TMEM11: variants seen among roughly 807,000 people sequenced by gnomAD.
TMEM11 encodes transmembrane protein 11, also known as transmembrane protein 11, mitochondrial.
A neutral mutation model predicts 17.0 loss-of-function variants in TMEM11; 1 was observed. The ratio of observed to expected loss-of-function variants is 0.06; its 90% CI spans 0.02 to 0.28. The LOEUF (loss-of-function observed/expected upper bound fraction) is 0.28, where lower values mean the gene tolerates loss of function less well. Ranked by LOEUF, TMEM11 falls within the 10% of genes least tolerant of loss-of-function variation. The probability of loss-of-function intolerance (pLI) is 1.00; values close to 1 mark genes in which losing one functional copy is unlikely to be tolerated. For synonymous variants in TMEM11, 122 were observed against 118.1 expected (o/e 1.03, Z -0.21); for missense variants, 172 against 252.9 (o/e 0.68, Z 2.17).
At chr17:21,214,030 G>T in intron 1 of TMEM11, 61 bp downstream of exon 1, 1 of 1,515,316 alleles carries the variant, frequency 6.6e-7, no homozygotes. Context: ...CTCGGAGGCC[G>T]CGCTGGGCTC....
chr17:21,207,055 A>T (rs1974949905), intron 1 of TMEM11, among the ~76,000 whole-genome samples: 1 of 152,136 alleles, frequency 6.6e-6, no homozygotes, highest in Non-Finnish European at 1.5e-5. Context: ...TCGGCTTCCC[A>T]ACTCTCTGGA....
intron 1 of TMEM11, 119 bp downstream of exon 1, chr17:21,213,972 A>T: frequency 1.0e-6 from 1 of 977,992 alleles, no homozygotes; most frequent in Non-Finnish European, 1.5e-6. Flanking sequence ...ATGCCCGGCG[A>T]GGGTAGGGGG....
intron 1 of TMEM11, among the ~76,000 whole-genome samples, chr17:21,208,093 C>G (rs1256327032): frequency 1.3e-5 from 2 of 150,592 alleles, no homozygotes; most frequent in Admixed American, 1.3e-4. Context: ...CCTGGGTTCA[C>G]GCCATTCTCC....
intron 1 of TMEM11, chr17:21,210,849 T>A (rs1207427889): frequency 8.4e-6 from 10 of 1,185,756 alleles, no homozygotes; most frequent in African/African-American, 3.2e-5. Flanking sequence ...ACACCCCAGG[T>A]TGCCTCATAT....
Position 21,198,540 on chromosome 17 carries a change from G to A in TMEM11, c.363C>T (p.Leu121=), listed in dbSNP as rs1357385827. The part of the protein sequence containing the change: ...AGVLSLACCT[L]YGISWQFDPC... Reference sequence around the variant, plus strand: ...GGTCAAACTGCCAGGAGATCCCATAGAGGGTGCAGCAGGCCAGGCTCAGCA... The same window carrying A: ...GGTCAAACTGCCAGGAGATCCCATAAAGGGTGCAGCAGGCCAGGCTCAGCA... The change falls in exon 2 of 2, where the codon CTC becomes CTT. Residue 121 remains leucine, a synonymous_variant. Transcript: ENST00000317635. This position sits in a 1 kb window ranked among gnomAD's most constrained non-coding sequence, Gnocchi z 6.5. 5 of 1,614,256 alleles carry A rather than the reference G, an allele frequency of 3.1e-6. No individual in the cohort carries two copies. Among genetic ancestry groups the A allele is most frequent in the Non-Finnish European group, 4.2e-6 (5 of 1,180,044 alleles).
At chr17:21,210,530 G>A (rs931244306) in intron 1 of TMEM11, among the ~76,000 whole-genome samples, 1 of 152,192 alleles carries the variant, frequency 6.6e-6, no homozygotes, top group Non-Finnish European at 1.5e-5. Flanking sequence ...TAAAAGGGAA[G>A]GATCAGATCA....
At chr17:21,210,604 C>T (rs1974991818) in intron 1 of TMEM11, among the ~76,000 whole-genome samples, 1 of 152,228 alleles carries the variant, frequency 6.6e-6, no homozygotes, top group African/African-American at 2.4e-5. Context: ...GCTCCATCTG[C>T]TCACTGGATG....
chr17:21,208,916 G>A lies in TMEM11; in HGVS notation c.62+5175C>T, dbSNP rs1031994737. On this transcript the variant is annotated intron_variant, in intron 1 of 1. Transcript: ENST00000317635. ...ACCAGAAAAGTCAACCCATCCGTCA[G>A]GCTGCTTTTCACTTAGTGAAAGGGT... Among the ~76,000 whole-genome samples, 4 of 152,226 alleles carry A rather than the reference G, an allele frequency of 2.6e-5. No homozygotes were observed. In the South Asian group the frequency reaches 8.3e-4, roughly 32 times the overall value.
At chr17:21,212,773 T>C (rs964895115) in intron 1 of TMEM11, among the ~76,000 whole-genome samples, 20 of 152,262 alleles carry the variant, frequency 1.3e-4, no homozygotes, top group African/African-American at 4.8e-4. Context: ...CTAAACAGGT[T>C]ATTTCGTATT....
intron 1 of TMEM11, among the ~76,000 whole-genome samples, chr17:21,200,262 C>A (rs966254426): frequency 6.6e-6 from 1 of 152,228 alleles, no homozygotes; most frequent in African/African-American, 2.4e-5. Context: ...TCACCTGTGG[C>A]GGGCAGGCCT....
chr17:21,208,740 C>T (rs916980121), intron 1 of TMEM11, among the ~76,000 whole-genome samples: 3 of 152,184 alleles, frequency 2.0e-5, no homozygotes, highest in Admixed American at 2.0e-4. Context: ...AGGGCAGAGG[C>T]TGCATTTTCA....
chr17:21,209,693 A>T (rs905728516), intron 1 of TMEM11, among the ~76,000 whole-genome samples: 1 of 152,134 alleles, frequency 6.6e-6, no homozygotes, highest in Non-Finnish European at 1.5e-5. Flanking sequence ...GGTTTGAGCC[A>T]GGGAGACGGA....
chr17:21,207,862 AG>A (rs1381884413), intron 1 of TMEM11, among the ~76,000 whole-genome samples: 1 of 151,498 alleles, frequency 6.6e-6, no homozygotes, highest in Non-Finnish European at 1.5e-5. Flanking sequence ...CACTCCAGCC[AG>A]GGGGACAAGA....
At chr17:21,206,063 A>G (rs558867450) in intron 1 of TMEM11, among the ~76,000 whole-genome samples, 50 of 151,578 alleles carry the variant, frequency 3.3e-4, no homozygotes, top group African/African-American at 1.1e-3. Flanking sequence ...GGGGGTATAT[A>G]TACCCAGAAG....
chr17:21,198,363 C>T lies in TMEM11; in HGVS notation c.540G>A (p.Val180=). Residue 180 remains valine, a synonymous_variant, in exon 2 of 2, where the codon GTG becomes GTA. Transcript: ENST00000317635. The surrounding 1 kb of genome is among the most constrained non-coding windows in gnomAD (Gnocchi z 6.5). ...LHNTIALAAL[V]YCVKKIYELY... is the part of the protein sequence containing the mutation. Reference sequence around the variant, plus strand: ...GTTCGTAAATCTTCTTTACACAGTACACCAGGGCGGCCAGTGCTATCGTGT... The same window carrying T: ...GTTCGTAAATCTTCTTTACACAGTATACCAGGGCGGCCAGTGCTATCGTGT... 1 of 1,614,220 alleles carries T rather than the reference C, an allele frequency of 6.2e-7. No homozygotes were observed. Among genetic ancestry groups the T allele is most frequent in the Non-Finnish European group, 8.5e-7 (1 of 1,180,048 alleles).
At chr17:21,200,153 C>T (rs1388931587) in intron 1 of TMEM11, among the ~76,000 whole-genome samples, 1 of 152,260 alleles carries the variant, frequency 6.6e-6, no homozygotes. Flanking sequence ...GGCTGCAGCC[C>T]CAGCAGTGAC....
chr17:21,209,300 G>A (rs1974977288), intron 1 of TMEM11, among the ~76,000 whole-genome samples: 1 of 152,270 alleles, frequency 6.6e-6, no homozygotes, highest in South Asian at 2.1e-4. Flanking sequence ...GTGTCCTAGG[G>A]CAAAACACCC....
chr17:21,210,815 AG>A, intron 1 of TMEM11: 2 of 1,021,534 alleles, frequency 2.0e-6, no homozygotes, highest in Non-Finnish European at 2.5e-6. Context: ...CTGAACTTTT[AG>A]CCCCGTGCAT....
intron 1 of TMEM11, among the ~76,000 whole-genome samples, chr17:21,203,655 C>A (rs1400315586): frequency 1.3e-5 from 2 of 149,398 alleles, no homozygotes; most frequent in Non-Finnish European, 3.0e-5. Flanking sequence ...TGCAGTGAGC[C>A]AAGATTGTGC....
Sources: allele counts gnomAD v4.1 joint callset (sites outside exome capture counted in the v4.1 genomes callset), GRCh38; gene constraint gnomAD v4.1.1; non-coding constraint Gnocchi (gnomAD v3.1); transcripts MANE v1.5; gene names NCBI Gene and HGNC (gene_info 2026-07-23, HGNC 2026-07-21).